MGMT: variants seen among roughly 807,000 people sequenced by gnomAD.
MGMT encodes the protein methylated-DNA--protein-cysteine methyltransferase.
Under a neutral mutation model 15.9 loss-of-function variants are expected in MGMT, and 14 were observed. The observed-to-expected ratio is 0.88, with a 90% confidence interval of 0.58 to 1.37. The LOEUF (loss-of-function observed/expected upper bound fraction) is 1.37, where lower values mean the gene tolerates loss of function less well. Ranked by LOEUF, MGMT falls within the 40% of genes most tolerant of loss-of-function variation. MGMT has a pLI of 0.00. For missense variants in MGMT, 282 were observed against 268.1 expected (o/e 1.05, Z -0.36); for synonymous variants, 130 against 118.2 (o/e 1.10, Z -0.65).
chr10:129,755,931 A>G (rs943620309), intron 3 of MGMT, among the ~76,000 whole-genome samples: 1 of 152,116 alleles, frequency 6.6e-6, no homozygotes, highest in Non-Finnish European at 1.5e-5. Context: ...TGTCTTCCTT[A>G]TTGGAGCTGG....
chr10:129,610,302 C>T (rs1162209584), intron 2 of MGMT, among the ~76,000 whole-genome samples: 1 of 152,188 alleles, frequency 6.6e-6, no homozygotes, highest in South Asian at 2.1e-4. Context: ...GCCTGTCAGG[C>T]CCATGTCATC....
At chr10:129,593,208 G>A (rs1846710207) in intron 2 of MGMT, among the ~76,000 whole-genome samples, 1 of 152,254 alleles carries the variant, frequency 6.6e-6, no homozygotes, top group African/African-American at 2.4e-5. Context: ...ATCCGGACAG[G>A]AGATTTCAGC....
chr10:129,588,006 T>C (rs949043949), intron 2 of MGMT, among the ~76,000 whole-genome samples: 2 of 152,184 alleles, frequency 1.3e-5, no homozygotes, highest in Non-Finnish European at 2.9e-5. Context: ...TACGTGGAAA[T>C]AGTTTGAATC....
chr10:129,598,576 C>A (rs1327160797), intron 2 of MGMT, among the ~76,000 whole-genome samples: 1 of 152,188 alleles, frequency 6.6e-6, no homozygotes, highest in African/African-American at 2.4e-5. Flanking sequence ...CCCAAAACCA[C>A]ACGCAAGAAA....
intron 2 of MGMT, among the ~76,000 whole-genome samples, chr10:129,583,631 A>T (rs1282424151): frequency 1.3e-5 from 2 of 152,102 alleles, no homozygotes; most frequent in African/African-American, 4.8e-5. Flanking sequence ...CATCTGATAC[A>T]TCCCCCTTGC....
At chr10:129,548,785 T>C (rs1287473398) in intron 2 of MGMT, among the ~76,000 whole-genome samples, 2 of 151,914 alleles carry the variant, frequency 1.3e-5, no homozygotes, top group Non-Finnish European at 2.9e-5. Flanking sequence ...CGCAAATAAG[T>C]GCAAGGACCA....
intron 3 of MGMT, among the ~76,000 whole-genome samples, chr10:129,745,974 T>C (rs962160268): frequency 1.4e-4 from 21 of 152,120 alleles, no homozygotes; most frequent in African/African-American, 4.8e-4. Context: ...CGGAAGCTCA[T>C]GCCTGTAATC....
intron 1 of MGMT, among the ~76,000 whole-genome samples, chr10:129,484,153 G>C (rs533406665): frequency 6.6e-6 from 1 of 152,194 alleles, no homozygotes; most frequent in South Asian, 2.1e-4. Context: ...GCTCAACCTT[G>C]TTTTACCTCA....
chr10:129,684,284 A>G (rs374682166), intron 2 of MGMT, among the ~76,000 whole-genome samples: 15 of 152,166 alleles, frequency 9.9e-5, no homozygotes, highest in Non-Finnish European at 2.2e-4. Flanking sequence ...AAGAAATATA[A>G]CTGCCGAAGA....
At chr10:129,562,902 G>A (rs1359584023) in intron 2 of MGMT, among the ~76,000 whole-genome samples, 3 of 152,216 alleles carry the variant, frequency 2.0e-5, no homozygotes, top group Admixed American at 6.5e-5. Context: ...GTGGTTCAGC[G>A]TTTGAGTTTT....
intron 2 of MGMT, among the ~76,000 whole-genome samples, chr10:129,630,760 AAT>A (rs1316859402): frequency 6.6e-6 from 1 of 152,254 alleles, no homozygotes; most frequent in Non-Finnish European, 1.5e-5. Flanking sequence ...AAGGCTGCTA[AAT>A]ACCAATTACT....
chr10:129,573,290 CTT>C (rs994964477), intron 2 of MGMT, among the ~76,000 whole-genome samples: 3 of 152,052 alleles, frequency 2.0e-5, no homozygotes, highest in African/African-American at 7.2e-5. Context: ...TTTTAAAAAA[CTT>C]TTAATTGGGC....
chr10:129,629,012 C>T (rs935973432), intron 2 of MGMT, among the ~76,000 whole-genome samples: 2 of 152,226 alleles, frequency 1.3e-5, no homozygotes, highest in African/African-American at 4.8e-5. Flanking sequence ...AGGGCTCTTC[C>T]TGACACCTCT....
At chr10:129,572,867 C>G (rs992976219) in intron 2 of MGMT, among the ~76,000 whole-genome samples, 1 of 152,052 alleles carries the variant, frequency 6.6e-6, no homozygotes, top group Admixed American at 6.6e-5. Context: ...TATCTTAAGT[C>G]CCTATTATTA....
chr10:129,467,355 G>A (rs1845180218), intron 1 of MGMT, 59 bp downstream of exon 1: 4 of 1,485,198 alleles, frequency 2.7e-6, no homozygotes, highest in Non-Finnish European at 1.8e-6. Context: ...CGGGACGGTG[G>A]CAGCCTCGAG....
At chr10:129,560,576 T>C (rs918705631) in intron 2 of MGMT, among the ~76,000 whole-genome samples, 3 of 152,246 alleles carry the variant, frequency 2.0e-5, no homozygotes, top group Non-Finnish European at 4.4e-5. Flanking sequence ...GTTCTTTTGC[T>C]GTTGGTTACG....
chr10:129,659,312 G>A lies in MGMT; in HGVS notation c.126-48583G>A, dbSNP rs2183877. ...GCGGAGGTTGCAGTGAGCCAAGATC[G>A]CACCACTGCGCTCCAGCCTGGGTGG... On this transcript the variant is annotated intron_variant, in intron 2 of 4. Transcript: ENST00000651593. The surrounding 1 kb of genome is among the most constrained non-coding windows in gnomAD (Gnocchi z 4.1). Among the ~76,000 whole-genome samples, 672 of 150,232 alleles carry A rather than the reference G, an allele frequency of 4.5e-3. 8 individuals are homozygous for A. Among genetic ancestry groups the A allele is most frequent in the Admixed American group, 0.036 (544 of 15,182 alleles).
intron 3 of MGMT, among the ~76,000 whole-genome samples, chr10:129,712,514 AT>A (rs936426466): frequency 6.6e-6 from 1 of 152,028 alleles, no homozygotes; most frequent in African/African-American, 2.4e-5. Context: ...ATATTTTTGT[AT>A]TTTTGTGTCT....
chr10:129,626,364 G>T (rs181837659), intron 2 of MGMT, among the ~76,000 whole-genome samples: 1 of 152,130 alleles, frequency 6.6e-6, no homozygotes, highest in East Asian at 1.9e-4. Context: ...AACACCACCC[G>T]TGTGAACAGC....
Sources: allele counts gnomAD v4.1 joint callset (sites outside exome capture counted in the v4.1 genomes callset), GRCh38; gene constraint gnomAD v4.1.1; non-coding constraint Gnocchi (gnomAD v3.1); transcripts MANE v1.5; gene names NCBI Gene and HGNC (gene_info 2026-07-23, HGNC 2026-07-21).